Variants in ARID3B observed in about 807,000 individuals in gnomAD.
ARID3B encodes the protein AT-rich interactive domain-containing protein 3B.
In ARID3B, 10 loss-of-function variants were observed where a neutral mutation model predicts 51.9. The ratio of observed to expected loss-of-function variants is 0.19; its 90% CI spans 0.12 to 0.33. ARID3B has a LOEUF of 0.33. Ranked by LOEUF, ARID3B falls within the 10% of genes least tolerant of loss-of-function variation. The pLI, the probability that ARID3B is intolerant of heterozygous loss-of-function variation, is 1.00. For missense variants in ARID3B, 483 were observed against 716.3 expected (o/e 0.67, Z 3.72); for synonymous variants, 205 against 279.5 (o/e 0.73, Z 2.66).
intron 8 of ARID3B, among the ~76,000 whole-genome samples, chr15:74,594,686 G>T (rs2061817673): frequency 6.6e-6 from 1 of 152,256 alleles, no homozygotes; most frequent in South Asian, 2.1e-4. Context: ...CAGGCCTCCT[G>T]GGAGCATGCT....
chr15:74,580,213 T>C (rs958372205), intron 4 of ARID3B, among the ~76,000 whole-genome samples: 1 of 152,196 alleles, frequency 6.6e-6, no homozygotes, highest in Non-Finnish European at 1.5e-5. Context: ...ACGTGTTTCT[T>C]TGGCAAACAT....
At chr15:74,573,072 A>C (rs1378330875) in intron 3 of ARID3B, 60 bp from the exon 4 acceptor site, 12 of 1,601,496 alleles carry the variant, frequency 7.5e-6, no homozygotes, top group Non-Finnish European at 9.4e-6. Flanking sequence ...TATCTGGTAT[A>C]AGACTTCAGC....
At chr15:74,564,984 C>CT in intron 2 of ARID3B, among the ~76,000 whole-genome samples, 1 of 151,736 alleles carries the variant, frequency 6.6e-6, no homozygotes, top group Non-Finnish European at 1.5e-5. Context: ...GATTCATAAT[C>CT]TATTTGATTT....
chr15:74,577,198 G>C (rs2061741383), intron 4 of ARID3B, among the ~76,000 whole-genome samples: 1 of 152,180 alleles, frequency 6.6e-6, no homozygotes, highest in African/African-American at 2.4e-5. Flanking sequence ...AGTGGGGCAT[G>C]GTGGCTCATG....
At chr15:74,573,357 C>A in intron 4 of ARID3B, 153 bp downstream of exon 4, 1 of 778,536 alleles carries the variant, frequency 1.3e-6, no homozygotes. Flanking sequence ...AGCCAATTAA[C>A]CGATAGCCAG....
chr15:74,569,337 T>G (rs1275058298), intron 2 of ARID3B, among the ~76,000 whole-genome samples: 1 of 151,810 alleles, frequency 6.6e-6, no homozygotes, highest in Non-Finnish European at 1.5e-5. Flanking sequence ...GTGCTCCCTC[T>G]TCATTATTAT....
At chr15:74,548,463 T>C (rs1343765875) in intron 2 of ARID3B, among the ~76,000 whole-genome samples, 1 of 152,210 alleles carries the variant, frequency 6.6e-6, no homozygotes, top group Non-Finnish European at 1.5e-5. Flanking sequence ...CTTAACATAC[T>C]TTCACAGCCA....
intron 2 of ARID3B, among the ~76,000 whole-genome samples, chr15:74,551,645 AAAC>A (rs1426047817): frequency 1.3e-5 from 2 of 152,208 alleles, no homozygotes; most frequent in South Asian, 2.1e-4. Flanking sequence ...AAAAACAAGC[AAAC>A]AACAACAAAA....
At chr15:74,548,740 G>C (rs2061624903) in intron 2 of ARID3B, among the ~76,000 whole-genome samples, 1 of 152,188 alleles carries the variant, frequency 6.6e-6, no homozygotes, top group Non-Finnish European at 1.5e-5. Context: ...GGTTCTCTCT[G>C]AATTTGTTGG....
At position 74,596,014 on chromosome 15, in the gene ARID3B, G is replaced by A. The variant is rs2061823943; in HGVS notation, c.*240G>A. On this transcript the variant is annotated 3_prime_UTR_variant, in exon 9 of 9. Transcript: ENST00000346246. ...CAATCAGGGATTGTCCTGGAGAACT[G>A]GGTGGGGGTCTGTGGGTGTCCAGCT... is the stretch of plus-strand genomic sequence containing the variant. The A allele has an allele frequency of 4.1e-6, 2 of 487,480 alleles. No homozygotes were observed. The highest frequency in any genetic ancestry group is 3.8e-5 in the Admixed American group (1 of 26,014). 30.2% of individuals were successfully genotyped at this position (487,480 alleles called of 1,614,324 possible). A position where few individuals can be genotyped will look rare whatever the true frequency, so the allele number is the denominator to read the frequency against.
rs139778598 is a variant in ARID3B, at chr15:74,544,139, C to G, written c.203C>G (p.Pro68Arg). The G allele has an allele frequency of 1.9e-4, 307 of 1,613,762 alleles. No individual in the cohort carries two copies. The highest frequency in any genetic ancestry group is 1.6e-4 in the Middle Eastern group (1 of 6,078). ...CCTTCTGGCAGCACTCCCTTAGGTC[C>G]CTTAGCCAGAGTTCCACCCACCGCA... Reference protein sequence around the residue: ...GRPSGSTPLGPLARVPPTAAV... With the variant: ...GRPSGSTPLGRLARVPPTAAV... Residue 68 changes from proline to arginine, a missense_variant, in exon 2 of 9, where the codon CCC becomes CGC. Physicochemically the swap from Pro to Arg is moderately radical, Grantham distance 103. Around this residue, in one of 3 missense-constraint regions of ARID3B, gnomAD observed 182 missense variants for 244.5 expected, o/e 0.74. Transcript: ENST00000346246.
chr15:74,592,259 CAGAA>C, intron 7 of ARID3B, among the ~76,000 whole-genome samples: 1 of 152,320 alleles, frequency 6.6e-6, no homozygotes, highest in East Asian at 1.9e-4. Context: ...GGAATATAGA[CAGAA>C]GGAGGAAACA....
intron 4 of ARID3B, among the ~76,000 whole-genome samples, chr15:74,576,481 C>G (rs1051138424): frequency 1.3e-5 from 2 of 151,868 alleles, no homozygotes; most frequent in Admixed American, 6.6e-5. Flanking sequence ...ATAGTGAGAC[C>G]TTCTCTCTAC....
At chr15:74,595,134 C>A (rs998970800) in intron 8 of ARID3B, among the ~76,000 whole-genome samples, 1 of 152,190 alleles carries the variant, frequency 6.6e-6, no homozygotes, top group African/African-American at 2.4e-5. Flanking sequence ...CAGCTTCAAC[C>A]TCCTGGGCTC....
At chr15:74,547,177 C>T (rs549436199) in intron 2 of ARID3B, among the ~76,000 whole-genome samples, 9 of 151,214 alleles carry the variant, frequency 6.0e-5, no homozygotes, top group African/African-American at 1.9e-4. Context: ...CCTCCCCCGC[C>T]GACACAGAGC....
chr15:74,589,775 C>T (rs761253154), intron 4 of ARID3B, 45 bp from the exon 5 acceptor site: 8 of 1,554,152 alleles, frequency 5.1e-6, no homozygotes, highest in Non-Finnish European at 4.4e-6. Flanking sequence ...TCTTCTCAGC[C>T]TGATGATGAT....
At chr15:74,545,644 T>C (rs1235767476) in intron 2 of ARID3B, among the ~76,000 whole-genome samples, 1 of 152,236 alleles carries the variant, frequency 6.6e-6, no homozygotes, top group Non-Finnish European at 1.5e-5. Context: ...ACACTTCTTG[T>C]GATCCAGTGG....
At position 74,584,178 on chromosome 15, in the gene ARID3B, A is replaced by C. The variant is rs1458346079; in HGVS notation, c.698-5642A>C. ...CATAGTACCCAATAGGTAGTTTTTCAGCCCTTGTCCCCTGTAGTAGTTGCC... is the reference window on the plus strand; with the variant it reads ...CATAGTACCCAATAGGTAGTTTTTCCGCCCTTGTCCCCTGTAGTAGTTGCC... On this transcript the variant is annotated intron_variant, in intron 4 of 8. Coordinates refer to ENST00000346246, the MANE Select transcript of ARID3B (RefSeq NM_006465.4). Among the ~76,000 whole-genome samples the C allele has an allele frequency of 2.6e-5, 4 of 152,308 alleles. No homozygotes were observed. In the East Asian group the frequency reaches 7.7e-4, roughly 29 times the overall value.
intron 2 of ARID3B, among the ~76,000 whole-genome samples, chr15:74,553,346 ATT>A (rs1846685371): frequency 6.6e-6 from 1 of 152,176 alleles, no homozygotes; most frequent in Admixed American, 6.5e-5. Context: ...TTTTTAAGCC[ATT>A]TTAGTTTTAC....
Sources: allele counts gnomAD v4.1 joint callset (sites outside exome capture counted in the v4.1 genomes callset), GRCh38; gene constraint gnomAD v4.1.1; regional missense constraint gnomAD v4.1.1; transcripts MANE v1.5; gene names NCBI Gene and HGNC (gene_info 2026-07-23, HGNC 2026-07-21).